The following EPHA7 variants were observed in gnomAD, a reference collection of about 807,000 sequenced individuals.
The protein encoded by EPHA7 is EPH receptor A7.
EPHA7 carries 25 observed loss-of-function variants against 112.6 expected under a neutral mutation model. That is an observed-to-expected ratio of 0.22 (90% CI 0.16 to 0.31). EPHA7 has a LOEUF of 0.31. Ranked by LOEUF, EPHA7 falls within the 10% of genes least tolerant of loss-of-function variation. The pLI, the probability that EPHA7 is intolerant of heterozygous loss-of-function variation, is 1.00. For missense variants in EPHA7, 962 were observed against 1,212.6 expected (o/e 0.79, Z 3.07); for synonymous variants, 437 against 406.5 (o/e 1.07, Z -0.90).
At chr6:93,290,869 T>C in intron 5 of EPHA7, among the ~76,000 whole-genome samples, 1 of 152,126 alleles carries the variant, frequency 6.6e-6, no homozygotes, top group East Asian at 1.9e-4. Context: ...TTAAAGGGAA[T>C]TCTATCTAAT....
At chr6:93,269,164 G>A (rs1173100197) in intron 7 of EPHA7, among the ~76,000 whole-genome samples, 1 of 151,704 alleles carries the variant, frequency 6.6e-6, no homozygotes, top group Non-Finnish European at 1.5e-5. Context: ...TTGTTTCGAG[G>A]TCGACAAACA....
intron 3 of EPHA7, among the ~76,000 whole-genome samples, chr6:93,364,930 ATATT>A (rs546924967): frequency 1.1e-3 from 173 of 152,284 alleles, no homozygotes; most frequent in African/African-American, 4.0e-3. Flanking sequence ...AACCAAGCTT[ATATT>A]TAGAGGAGAT....
At chr6:93,318,520 T>C (rs1773916642) in intron 5 of EPHA7, among the ~76,000 whole-genome samples, 1 of 152,046 alleles carries the variant, frequency 6.6e-6, no homozygotes, top group Non-Finnish European at 1.5e-5. Flanking sequence ...AAGGTAAATA[T>C]ATTTAATTTA....
intron 5 of EPHA7, among the ~76,000 whole-genome samples, chr6:93,278,428 C>T (rs1021081582): frequency 1.3e-5 from 2 of 151,960 alleles, no homozygotes; most frequent in East Asian, 1.9e-4. Context: ...CTATTCATAC[C>T]AGTCTTACAA....
chr6:93,305,453 A>C (rs183914778), intron 5 of EPHA7, among the ~76,000 whole-genome samples: 128 of 152,064 alleles, frequency 8.4e-4, no homozygotes, highest in African/African-American at 2.9e-3. Context: ...TTCCTCCTAC[A>C]TTTCCTCTAT....
intron 5 of EPHA7, among the ~76,000 whole-genome samples, chr6:93,337,465 GT>G (rs1774931777): frequency 6.6e-6 from 1 of 152,102 alleles, no homozygotes; most frequent in Admixed American, 6.6e-5. Flanking sequence ...CATAAAATCA[GT>G]TTGGGCATTG....
chr6:93,391,664 ACTCT>A (rs368439144), intron 3 of EPHA7, among the ~76,000 whole-genome samples: 303 of 151,974 alleles, frequency 2.0e-3, no homozygotes, highest in African/African-American at 5.4e-3. Context: ...AGGTTTATGA[ACTCT>A]CTCTATTATA....
chr6:93,374,218 C>G (rs1027756613), intron 3 of EPHA7, among the ~76,000 whole-genome samples: 11 of 152,144 alleles, frequency 7.2e-5, no homozygotes, highest in African/African-American at 2.7e-4. Context: ...AAACACGTCA[C>G]CTCCTTAGTG....
intron 5 of EPHA7, among the ~76,000 whole-genome samples, chr6:93,282,553 G>C (rs1771799227): frequency 6.6e-6 from 1 of 152,220 alleles, no homozygotes; most frequent in East Asian, 1.9e-4. Context: ...GGCCACACTT[G>C]AGGAGCCCTT....
At chr6:93,256,574 G>A (rs927211014) in intron 12 of EPHA7, among the ~76,000 whole-genome samples, 4 of 152,146 alleles carry the variant, frequency 2.6e-5, no homozygotes, top group Middle Eastern at 6.8e-3. Context: ...GCTACTGATA[G>A]GAGCATTACT....
intron 5 of EPHA7, among the ~76,000 whole-genome samples, chr6:93,345,146 C>A (rs1775336107): frequency 6.6e-6 from 1 of 151,616 alleles, no homozygotes; most frequent in Non-Finnish European, 1.5e-5. Flanking sequence ...GTTAAGGGTG[C>A]TGAGTTTAAG....
intron 3 of EPHA7, among the ~76,000 whole-genome samples, chr6:93,386,621 G>A (rs915644254): frequency 6.6e-6 from 1 of 152,170 alleles, no homozygotes; most frequent in African/African-American, 2.4e-5. Context: ...CCAGTGGGGA[G>A]TCTGTGTGGG....
chr6:93,371,499 C>G (rs1405408276), intron 3 of EPHA7, among the ~76,000 whole-genome samples: 1 of 152,126 alleles, frequency 6.6e-6, no homozygotes, highest in Admixed American at 6.5e-5. Context: ...AACTCACCCC[C>G]CTTGATACTG....
chr6:93,292,299 T>TA (rs946735077), intron 5 of EPHA7, among the ~76,000 whole-genome samples: 2 of 152,184 alleles, frequency 1.3e-5, no homozygotes, highest in African/African-American at 4.8e-5. Flanking sequence ...CATGACTTGG[T>TA]AAATGCAGTC....
At chr6:93,292,595 T>C (rs1460716539) in intron 5 of EPHA7, among the ~76,000 whole-genome samples, 1 of 152,150 alleles carries the variant, frequency 6.6e-6, no homozygotes, top group Non-Finnish European at 1.5e-5. Flanking sequence ...GCTATTAATA[T>C]CTATTGCTTT....
intron 5 of EPHA7, among the ~76,000 whole-genome samples, chr6:93,325,038 TA>T (rs1195368891): frequency 6.6e-6 from 1 of 151,240 alleles, no homozygotes; most frequent in African/African-American, 2.4e-5. Context: ...TTATGTAGTA[TA>T]AAAAATGAGA....
At chr6:93,343,803 G>A (rs1775258510) in intron 5 of EPHA7, among the ~76,000 whole-genome samples, 1 of 151,600 alleles carries the variant, frequency 6.6e-6, no homozygotes, top group Non-Finnish European at 1.5e-5. Context: ...GTCTAAAGGA[G>A]GTCAGCTGTT....
At chr6:93,357,163 A>G (rs776863269) in intron 4 of EPHA7, 111 bp from the exon 5 acceptor site, 3 of 781,906 alleles carry the variant, frequency 3.8e-6, no homozygotes, top group African/African-American at 1.7e-5. Context: ...CTCAATTACC[A>G]AAGAGAAAAC....
chr6:93,289,559 G>A (rs1772248262), intron 5 of EPHA7, among the ~76,000 whole-genome samples: 3 of 152,036 alleles, frequency 2.0e-5, no homozygotes, highest in Non-Finnish European at 4.4e-5. Context: ...GGGAGGTGGG[G>A]CTTGCATTGG....
Sources: allele counts gnomAD v4.1 joint callset (sites outside exome capture counted in the v4.1 genomes callset), GRCh38; gene constraint gnomAD v4.1.1; transcripts MANE v1.5; gene names NCBI Gene and HGNC (gene_info 2026-07-23, HGNC 2026-07-21).